The following PRMT7 variants were observed in gnomAD, a reference collection of about 807,000 sequenced individuals.
PRMT7 encodes protein arginine methyltransferase 7, also known as protein arginine N-methyltransferase 7.
A neutral mutation model predicts 85.4 loss-of-function variants in PRMT7; 75 were observed. The observed-to-expected ratio is 0.88, with a 90% CI of 0.73 to 1.06. The LOEUF is 1.06. Ranked by LOEUF, PRMT7 falls within the 50% of genes least tolerant of loss-of-function variation. PRMT7 has a pLI of 0.00. For missense variants in PRMT7, 868 were observed against 915.2 expected (o/e 0.95, Z 0.67); for synonymous variants, 397 against 359.5 (o/e 1.10, Z -1.18).
At chr16:68,321,310 T>TAGTTTA (rs1024515059) in intron 3 of PRMT7, 116 bp from the exon 4 acceptor site, 1 of 771,748 alleles carries the variant, frequency 1.3e-6, no homozygotes, top group African/African-American at 1.8e-5. Flanking sequence ...AACCAAAAAA[T>TAGTTTA]AGTTTAAAAT....
At position 68,350,536 on chromosome 16, in the gene PRMT7, G is replaced by A. The variant is rs145186600; in HGVS notation, c.1414-1712G>A. ...GACTGATGATGGTGAACATCATTTC[G>A]TGTGCTTGTCTTGCTTGGTGAAATG... On this transcript the variant is annotated intron_variant, in intron 14 of 18. Transcript: ENST00000441236. Among the ~76,000 whole-genome samples, 893 of 151,926 alleles carry A rather than the reference G, an allele frequency of 5.9e-3. 10 individuals are homozygous for A. Among genetic ancestry groups the A allele is most frequent in the African/African-American group, 0.021 (866 of 41,400 alleles).
chr16:68,312,240 T>TTTTTTTA (rs2043931913), intron 2 of PRMT7, 64 bp downstream of exon 2: 1 of 137,856 alleles, frequency 7.3e-6, no homozygotes, highest in African/African-American at 2.6e-5. Context: ...TTTTTTTTTT[T>TTTTTTTA]AAGACAGGGT....
chr16:68,321,594 C>G (rs1386407052), intron 4 of PRMT7, 132 bp downstream of exon 4: 2 of 795,690 alleles, frequency 2.5e-6, no homozygotes, highest in African/African-American at 1.8e-5. Context: ...GTCAGGAAAT[C>G]AGTTGGGAGA....
At position 68,333,481 on chromosome 16, in the gene PRMT7, CAAAA is replaced by C. The variant is rs892258971; in HGVS notation, c.392-3966_392-3963del. ...GGGCAACAAGAGCAAAATTCTGGCT[CAAAA>C]AAAAAAAAAAAGAAAAGAAAAGAAA... On this transcript the variant is annotated intron_variant, in intron 6 of 18. Transcript: ENST00000441236. Among the ~76,000 whole-genome samples the C allele has an allele frequency of 1.4e-3, 128 of 90,916 alleles. 1 individual carries two copies. The South Asian group carries it at 0.023, about 16-fold the overall frequency. The allele number at this position is 90,916 out of a possible 152,430, so 59.6% of individuals were successfully genotyped here. A position where few individuals can be genotyped will look rare whatever the true frequency, so the allele number is the denominator to read the frequency against.
At chr16:68,312,761 G>C (rs541012802) in intron 2 of PRMT7, among the ~76,000 whole-genome samples, 1 of 152,186 alleles carries the variant, frequency 6.6e-6, no homozygotes, top group Non-Finnish European at 1.5e-5. Context: ...GCCAGAGAAG[G>C]TGTGTAGTGC....
rs369076623 is a variant in PRMT7 at position 68,337,597 on chromosome 16, C to T, written c.504+26C>T. ...GTAGTAGACGGAGGGCTCCCTCAGA[C>T]GTGTCTGTGGTCTCAGCCAGCTCAC... On this transcript the variant is annotated intron_variant, in intron 7 of 18. Coordinates refer to ENST00000441236, the MANE Select transcript of PRMT7 (RefSeq NM_019023.5). 4.2e-4 allele frequency: 642 copies of T among 1,524,674 alleles called. 8 individuals carry two copies. The highest frequency in any genetic ancestry group is 3.2e-3 in the South Asian group (278 of 86,874). The allele number at this position is 1,524,674 out of a possible 1,614,324, so 94.4% of individuals were successfully genotyped here.
intron 7 of PRMT7, among the ~76,000 whole-genome samples, chr16:68,337,885 G>C (rs1205204467): frequency 6.6e-6 from 1 of 152,248 alleles, no homozygotes; most frequent in Non-Finnish European, 1.5e-5. Context: ...CTGGCAGATG[G>C]AATATTTCTG....
chr16:68,311,090 C>T lies in PRMT7; in HGVS notation c.-228C>T, dbSNP rs1200113405. Reference sequence around the variant, plus strand: ...AGCAGCGGAGGCGAGCGGAGGGTTTCCCGCGGCGGGTGAGGCGCTGGGTAT... The same window carrying T: ...AGCAGCGGAGGCGAGCGGAGGGTTTTCCGCGGCGGGTGAGGCGCTGGGTAT... On this transcript the variant is annotated 5_prime_UTR_variant, in exon 1 of 19. Transcript: ENST00000441236. The T allele has an allele frequency of 4.1e-6, 3 of 735,926 alleles. No homozygotes were observed. Among genetic ancestry groups the T allele is most frequent in the East Asian group, 2.7e-5 (1 of 37,348 alleles). 45.6% of individuals were successfully genotyped at this position (735,926 alleles called of 1,614,324 possible). A position where few individuals can be genotyped will look rare whatever the true frequency, so the allele number is the denominator to read the frequency against.
intron 7 of PRMT7, 59 bp downstream of exon 7, chr16:68,337,630 T>C: frequency 8.4e-7 from 1 of 1,188,320 alleles, no homozygotes; most frequent in Non-Finnish European, 1.2e-6. Context: ...CACATAGCAC[T>C]CACTCATGCA....
intron 4 of PRMT7, among the ~76,000 whole-genome samples, chr16:68,322,159 G>T (rs2082571646): frequency 1.3e-5 from 2 of 152,060 alleles, no homozygotes; most frequent in Admixed American, 1.3e-4. Flanking sequence ...GGGATTACAG[G>T]TGCGTGCCAT....
chr16:68,346,324 A>G lies in PRMT7; in HGVS notation c.1191+44A>G, dbSNP rs377460635. On this transcript the variant is annotated intron_variant, in intron 11 of 18. Coordinates refer to ENST00000441236, the MANE Select transcript of PRMT7 (RefSeq NM_019023.5). ...GGCTTGTTGTGGGGAAAAGGGAGAA[A>G]GAAGTTTGTCCCATGAACCCCAGCA... 33 of 1,608,798 alleles carry G rather than the reference A, an allele frequency of 2.1e-5. No homozygotes were observed. The Admixed American group carries it at 2.5e-4, about 12-fold the overall frequency.
At chr16:68,321,114 C>T (rs555912765) in intron 3 of PRMT7, among the ~76,000 whole-genome samples, 7 of 151,960 alleles carry the variant, frequency 4.6e-5, no homozygotes, top group African/African-American at 1.7e-4. Flanking sequence ...AATGTAAATA[C>T]AAAAATTAGC....
In PRMT7 at chr16:68,319,711, A is replaced by AGTGTGTGTGTGTGTGTGTGTGTGT. The variant is rs369478826; in HGVS notation, c.96-1708_96-1685dup. ...GCCCAGCCTTCTCAATAAGAGTGAG[A>AGTGTGTGTGTGTGTGTGTGTGTGT]GTGTGTGTGTGTGTGTGTGTGTGTG... On this transcript the variant is annotated intron_variant, in intron 3 of 18. Transcript: ENST00000441236. 8.4e-3 allele frequency among the ~76,000 whole-genome samples: 1,182 copies of AGTGTGTGTGTGTGTGTGTGTGTGT among 141,516 alleles called. 26 individuals are homozygous for AGTGTGTGTGTGTGTGTGTGTGTGT. Among genetic ancestry groups the AGTGTGTGTGTGTGTGTGTGTGTGT allele is most frequent in the African/African-American group, 0.02 (737 of 37,366 alleles). 92.8% of individuals were successfully genotyped at this position (141,516 alleles called of 152,430 possible).
At chr16:68,352,136 G>A (rs966603447) in intron 14 of PRMT7, 112 bp from the exon 15 acceptor site, 52 of 1,116,838 alleles carry the variant, frequency 4.7e-5, no homozygotes, top group Non-Finnish European at 6.3e-5. Context: ...GAGAGGGAGG[G>A]AGTGAGGGAG....
intron 5 of PRMT7, among the ~76,000 whole-genome samples, chr16:68,328,761 C>T (rs183174448): frequency 6.6e-6 from 1 of 152,218 alleles, no homozygotes; most frequent in Non-Finnish European, 1.5e-5. Flanking sequence ...GTTCGTGAGG[C>T]AAGTCCCTTT....
rs779119241 is a variant in PRMT7 at position 68,324,970 on chromosome 16, G to T, written c.282+138G>T. 4 of 1,087,700 alleles carry T rather than the reference G, an allele frequency of 3.7e-6. No individual in the cohort carries two copies. In the African/African-American group the frequency reaches 4.8e-5, roughly 13 times the overall value. The allele number at this position is 1,087,700 out of a possible 1,614,324, so 67.4% of individuals were successfully genotyped here. On this transcript the variant is annotated intron_variant, in intron 5 of 18. Coordinates refer to ENST00000441236, the MANE Select transcript of PRMT7 (RefSeq NM_019023.5). ...CCAAGCACAGAGCCAGGCTCTGAGC[G>T]TATAGAGATGAGTCAGACACAGTTC...
At chr16:68,359,720 G>C (rs1391037962), downstream of PRMT7, 2 of 152,616 alleles carry the variant, frequency 1.3e-5, no homozygotes, top group African/African-American at 2.4e-5. Context: ...GAGGAGCGGA[G>C]GTCAGCGGGG....
intron 6 of PRMT7, among the ~76,000 whole-genome samples, chr16:68,336,723 TG>T (rs1350648178): frequency 6.6e-6 from 1 of 152,196 alleles, no homozygotes; most frequent in Non-Finnish European, 1.5e-5. Flanking sequence ...GGTTTCTTTT[TG>T]GGTGTGTGTT....
In PRMT7 at chr16:68,355,786, C is replaced by T. The variant is rs142409553; in HGVS notation, c.1714C>T (p.Arg572Cys). ...CCACCCGCTGTGGGAGTACCCATGCCGCAGCCTCTCCGAGCCCTGGCAGAT... is the reference window on the plus strand; with the variant it reads ...CCACCCGCTGTGGGAGTACCCATGCTGCAGCCTCTCCGAGCCCTGGCAGAT... The part of the protein sequence containing the change: ...EPHPLWEYPC[R>C]SLSEPWQILT... The change falls in exon 17 of 19, where the codon CGC (arginine) becomes TGC (cysteine). Residue 572 changes from arginine (R) to cysteine (C), a missense_variant. Arg to Cys is a radical substitution (Grantham distance 180). Coordinates refer to ENST00000441236, the MANE Select transcript of PRMT7 (RefSeq NM_019023.5). The T allele has an allele frequency of 3.5e-5, 57 of 1,611,540 alleles. No individual in the cohort carries two copies. The African/African-American group carries it at 4.5e-4, about 13-fold the overall frequency.
Sources: allele counts gnomAD v4.1 joint callset (sites outside exome capture counted in the v4.1 genomes callset), GRCh38; gene constraint gnomAD v4.1.1; transcripts MANE v1.5; gene names NCBI Gene and HGNC (gene_info 2026-07-23, HGNC 2026-07-21).